LRCH3: variants seen among roughly 807,000 people sequenced by gnomAD.
LRCH3 encodes the protein DISP complex protein LRCH3.
In LRCH3, 68 loss-of-function variants were observed where a neutral mutation model predicts 104.5. The observed-to-expected ratio is 0.65, with a 90% CI of 0.54 to 0.80. The LOEUF is 0.80. LRCH3 is among the 30% of genes least tolerant of loss of function. The probability of loss-of-function intolerance (pLI) is 0.00; values close to 1 mark genes in which losing one functional copy is unlikely to be tolerated. For synonymous variants in LRCH3, 344 were observed against 361.3 expected, an observed-to-expected ratio of 0.95 and a Z score of 0.54; for missense variants, 951 against 953.9, an observed-to-expected ratio of 1.00 and a Z score of 0.04.
chr3:197,882,606 C>T (rs959313586), intron 20 of LRCH3: 10 of 961,990 alleles, frequency 1.0e-5, no homozygotes, highest in Non-Finnish European at 1.2e-5. Flanking sequence ...ATTCTATATT[C>T]TGTTCTTTGT....
intron 18 of LRCH3, 78 bp from the exon 19 acceptor site, chr3:197,871,247 G>A (rs539975879): frequency 3.5e-6 from 4 of 1,128,896 alleles, no homozygotes; most frequent in Admixed American, 3.9e-5. Flanking sequence ...TTTTTAATTA[G>A]ATTTCATTAT....
intron 9 of LRCH3, among the ~76,000 whole-genome samples, chr3:197,837,397 T>C (rs1315346582): frequency 6.6e-6 from 1 of 152,226 alleles, no homozygotes. Flanking sequence ...TTTTTAAAAT[T>C]CTGGCTGCCT....
chr3:197,798,354 A>C (rs1354782576), intron 1 of LRCH3, among the ~76,000 whole-genome samples: 2 of 152,242 alleles, frequency 1.3e-5, no homozygotes, highest in Non-Finnish European at 2.9e-5. Context: ...TGTTTTACAC[A>C]AGGCAAATAA....
chr3:197,820,773 C>T (rs1734404847), intron 4 of LRCH3, among the ~76,000 whole-genome samples: 1 of 152,108 alleles, frequency 6.6e-6, no homozygotes, highest in Non-Finnish European at 1.5e-5. Flanking sequence ...GGGGTCACTG[C>T]ACTCTAGCCT....
At chr3:197,815,879 A>G (rs972563452) in intron 2 of LRCH3, among the ~76,000 whole-genome samples, 1 of 152,218 alleles carries the variant, frequency 6.6e-6, no homozygotes, top group Non-Finnish European at 1.5e-5. Context: ...TTAATTTTAT[A>G]AGTGATCTTT....
At chr3:197,797,886 A>AAAAAAC (rs1731435264) in intron 1 of LRCH3, among the ~76,000 whole-genome samples, 2 of 142,564 alleles carry the variant, frequency 1.4e-5, no homozygotes, top group Admixed American at 7.0e-5. Context: ...AAAAAAACAA[A>AAAAAAC]AAAAAAAACA....
At position 197,847,474 on chromosome 3, in the gene LRCH3, G is replaced by T; in HGVS notation, c.1380+14G>T. The T allele has an allele frequency of 1.3e-6, 2 of 1,574,236 alleles. No homozygotes were observed. Among genetic ancestry groups the T allele is most frequent in the Non-Finnish European group, 8.6e-7 (1 of 1,166,594 alleles). The stretch of plus-strand genomic sequence containing the variant: ...AGTCACAATCAGGTAATGTTTAGTA[G>T]TTGTGTTTATTTTTGCTTTTTAAAC... On this transcript the variant is annotated intron_variant, in intron 11 of 20. Transcript: ENST00000425562.
rs575375696 is a variant in LRCH3 at position 197,833,704 on chromosome 3, TAA to T, written c.1102+1389_1102+1390del. Among the ~76,000 whole-genome samples the T allele has an allele frequency of 1.5e-3, 227 of 152,336 alleles. 1 individual carries two copies. The highest frequency in any genetic ancestry group is 5.1e-3 in the African/African-American group (212 of 41,578). Reference sequence around the variant, plus strand: ...AGACATATTAGACAATGTAAAATATTAAAGTTAATGCTGCCTCTTTTACTTTA... The same window carrying T: ...AGACATATTAGACAATGTAAAATATTAGTTAATGCTGCCTCTTTTACTTTA... On this transcript the variant is annotated intron_variant, in intron 8 of 20. Transcript: ENST00000425562.
chr3:197,855,179 G>A (rs1002128369), intron 14 of LRCH3, among the ~76,000 whole-genome samples: 2 of 152,174 alleles, frequency 1.3e-5, no homozygotes, highest in Non-Finnish European at 2.9e-5. Context: ...ATCCTGCTGC[G>A]TGAGCTGCAT....
At chr3:197,875,568 C>T (rs1712793927) in intron 19 of LRCH3, 130 bp from the exon 20 acceptor site, 1 of 617,920 alleles carries the variant, frequency 1.6e-6, no homozygotes, top group African/African-American at 1.9e-5. Flanking sequence ...GTGGGAGGAT[C>T]ACCTGAGCCT....
intron 7 of LRCH3, among the ~76,000 whole-genome samples, chr3:197,831,870 G>A (rs1368133914): frequency 1.3e-5 from 2 of 151,728 alleles, no homozygotes; most frequent in Admixed American, 1.3e-4. Flanking sequence ...TCCCATCTTG[G>A]TCTCCCAAAG....
At chr3:197,841,261 C>T (rs893012461) in intron 10 of LRCH3, among the ~76,000 whole-genome samples, 4 of 152,102 alleles carry the variant, frequency 2.6e-5, no homozygotes, top group South Asian at 2.1e-4. Context: ...ATGCAGTTAC[C>T]GGTCCCCATT....
At chr3:197,862,721 T>C (rs1419288450) in intron 15 of LRCH3, among the ~76,000 whole-genome samples, 1 of 152,220 alleles carries the variant, frequency 6.6e-6, no homozygotes, top group Non-Finnish European at 1.5e-5. Context: ...GTTCATTCCT[T>C]TTACCAGTTT....
chr3:197,879,517 G>C lies in LRCH3; in HGVS notation c.2208+3742G>C, dbSNP rs374143791. ...AAAAATTAGCCGGGCGTGGTGGCGGGCGCCTGTAGTCCCAGCTGCTCGGGA... is the reference window on the plus strand; with the variant it reads ...AAAAATTAGCCGGGCGTGGTGGCGGCCGCCTGTAGTCCCAGCTGCTCGGGA... On this transcript the variant is annotated intron_variant, in intron 20 of 20. Transcript: ENST00000425562. Among the ~76,000 whole-genome samples, 78 of 151,512 alleles carry C rather than the reference G, an allele frequency of 5.1e-4. No homozygotes were observed. The East Asian group carries it at 0.013, about 25-fold the overall frequency.
In LRCH3 at chr3:197,835,634, G is replaced by GGTGT. The variant is rs372783553; in HGVS notation, c.1103-26_1103-23dup. 1,168 of 1,324,494 alleles carry GGTGT rather than the reference G, an allele frequency of 8.8e-4. 2 individuals are homozygous for GGTGT. Among genetic ancestry groups the GGTGT allele is most frequent in the African/African-American group, 4.8e-3 (327 of 67,624 alleles). The allele number at this position is 1,324,494 out of a possible 1,614,324, so 82.0% of individuals were successfully genotyped here. A position where few individuals can be genotyped will look rare whatever the true frequency, so the allele number is the denominator to read the frequency against. The stretch of plus-strand genomic sequence containing the variant: ...CTATCTAATTTGAATGTTTTTTTCT[G>GGTGT]GTGTGTGTGTGTGTGTGGGTGTGTG... On this transcript the variant is annotated intron_variant, in intron 8 of 20. Coordinates refer to ENST00000425562, the MANE Select transcript of LRCH3 (RefSeq NM_001365715.1).
rs61732583 is a variant in LRCH3, at chr3:197,850,518, A to G, written c.1531-2043A>G. The G allele has an allele frequency of 3.6e-3, 5,672 of 1,591,720 alleles. 162 individuals carry two copies. In the African/African-American group the frequency reaches 0.061, roughly 17 times the overall value. ...TTCCTTTTCCATAAGGATCATCTCA[A>G]TGTGGCAGGGAGAGCTCATGTATGG... On this transcript the variant is annotated intron_variant, in intron 12 of 20. Coordinates refer to ENST00000425562, the MANE Select transcript of LRCH3 (RefSeq NM_001365715.1).
chr3:197,881,082 A>G, intron 20 of LRCH3: 1 of 1,071,222 alleles, frequency 9.3e-7, no homozygotes. Flanking sequence ...TACAACTCCC[A>G]TCTGGCCATT....
intron 2 of LRCH3, among the ~76,000 whole-genome samples, chr3:197,816,571 C>T (rs1453144104): frequency 1.3e-5 from 2 of 152,166 alleles, no homozygotes; most frequent in South Asian, 2.1e-4. Flanking sequence ...TGAGCCACTG[C>T]GCCCAGCCGA....
chr3:197,881,371 A>C (rs945673961), intron 20 of LRCH3: 13 of 987,264 alleles, frequency 1.3e-5, no homozygotes, highest in African/African-American at 1.7e-5. Context: ...CATTCCCTAG[A>C]CTGCTCTTCT....
Sources: allele counts gnomAD v4.1 joint callset (sites outside exome capture counted in the v4.1 genomes callset), GRCh38; gene constraint gnomAD v4.1.1; transcripts MANE v1.5; gene names NCBI Gene and HGNC (gene_info 2026-07-23, HGNC 2026-07-21).